Variants in RASAL2 observed in about 807,000 individuals in gnomAD.
The protein encoded by RASAL2 is ras GTPase-activating protein nGAP.
Under a neutral mutation model 128.9 loss-of-function variants are expected in RASAL2, and 58 were observed. The ratio of observed to expected loss-of-function variants is 0.45; its 90% CI spans 0.36 to 0.56. The LOEUF (loss-of-function observed/expected upper bound fraction) is 0.56. Ranked by LOEUF, RASAL2 falls within the 20% of genes least tolerant of loss-of-function variation. The pLI is 0.00. For missense variants in RASAL2, 1,360 were observed against 1,601.6 expected (o/e 0.85, Z 2.57); for synonymous variants, 561 against 580.8 (o/e 0.97, Z 0.49).
intron 3 of RASAL2, among the ~76,000 whole-genome samples, chr1:178,335,218 T>C (rs1321401997): frequency 2.0e-5 from 3 of 152,018 alleles, no homozygotes; most frequent in East Asian, 1.9e-4. Flanking sequence ...GACCATAATT[T>C]TCAAAGGTTT....
At chr1:178,245,467 G>T (rs920540688) in intron 1 of RASAL2, among the ~76,000 whole-genome samples, 10 of 151,990 alleles carry the variant, frequency 6.6e-5, no homozygotes, top group African/African-American at 2.4e-4. Context: ...TAGATTCTGG[G>T]TATCAGTTCT....
At chr1:178,324,162 C>T (rs1037604921) in intron 3 of RASAL2, among the ~76,000 whole-genome samples, 1 of 152,100 alleles carries the variant, frequency 6.6e-6, no homozygotes. Flanking sequence ...TTGATTTGAG[C>T]CAAACTTCAG....
intron 3 of RASAL2, among the ~76,000 whole-genome samples, chr1:178,326,193 A>G (rs1487825424): frequency 3.3e-5 from 5 of 152,186 alleles, no homozygotes; most frequent in Non-Finnish European, 7.4e-5. Flanking sequence ...ATTTTGCAGA[A>G]TCTCATGTAC....
intron 1 of RASAL2, among the ~76,000 whole-genome samples, chr1:178,201,641 A>C (rs1662875631): frequency 6.6e-6 from 1 of 152,212 alleles, no homozygotes; most frequent in Admixed American, 6.5e-5. Context: ...CAACTGTCAA[A>C]AGCAAGGTAA....
At chr1:178,336,078 C>G (rs909180015) in intron 3 of RASAL2, among the ~76,000 whole-genome samples, 2 of 152,068 alleles carry the variant, frequency 1.3e-5, no homozygotes, top group African/African-American at 4.8e-5. Context: ...CTTGTGTCTC[C>G]ATTTCCTCAT....
chr1:178,306,068 A>G (rs1423926762), intron 3 of RASAL2, among the ~76,000 whole-genome samples: 1 of 152,218 alleles, frequency 6.6e-6, no homozygotes, highest in Non-Finnish European at 1.5e-5. Context: ...GTTACCAAGG[A>G]TACTAAATTT....
intron 1 of RASAL2, among the ~76,000 whole-genome samples, chr1:178,129,516 TTA>T (rs762559808): frequency 6.6e-6 from 1 of 152,122 alleles, no homozygotes. Flanking sequence ...TAGGTGATTT[TTA>T]TATGTTTTCT....
chr1:178,238,537 C>A (rs1056890835), intron 1 of RASAL2, among the ~76,000 whole-genome samples: 1 of 151,968 alleles, frequency 6.6e-6, no homozygotes, highest in Non-Finnish European at 1.5e-5. Context: ...TGTAATGGTG[C>A]TGCTACTTTA....
rs1241141532 is a variant in RASAL2 at position 178,472,990 on chromosome 1, GAA to G, written c.3679-83_3679-82del. Reference sequence around the variant, plus strand: ...GCACCATGCATACAACTGTTTGAGAGAAAGCACTGGACTAGTCATTCAGTAAA... The same window carrying G: ...GCACCATGCATACAACTGTTTGAGAGAGCACTGGACTAGTCATTCAGTAAA... On this transcript the variant is annotated intron_variant, in intron 17 of 17. Coordinates refer to ENST00000367649, the MANE Select transcript of RASAL2 (RefSeq NM_170692.4). 14 of 1,476,116 alleles carry G rather than the reference GAA, an allele frequency of 9.5e-6. No homozygotes were observed. The African/African-American group carries it at 1.9e-4, about 21-fold the overall frequency. The allele number at this position is 1,476,116 out of a possible 1,614,324, so 91.4% of individuals were successfully genotyped here. A position where few individuals can be genotyped will look rare whatever the true frequency, so the allele number is the denominator to read the frequency against.
intron 1 of RASAL2, among the ~76,000 whole-genome samples, chr1:178,236,622 T>G (rs1295076894): frequency 6.6e-6 from 1 of 152,208 alleles, no homozygotes; most frequent in Non-Finnish European, 1.5e-5. Flanking sequence ...CAGAAAGGGT[T>G]TGCTTTAAGC....
At chr1:178,331,874 A>G (rs1383257209) in intron 3 of RASAL2, among the ~76,000 whole-genome samples, 1 of 152,042 alleles carries the variant, frequency 6.6e-6, no homozygotes, top group Non-Finnish European at 1.5e-5. Flanking sequence ...GGCATGAGCC[A>G]CCATGCCCAG....
chr1:178,281,776 G>C (rs1666794631), intron 1 of RASAL2, among the ~76,000 whole-genome samples: 1 of 152,032 alleles, frequency 6.6e-6, no homozygotes, highest in South Asian at 2.1e-4. Context: ...AGTCGTCTTG[G>C]TATTTGACTC....
In RASAL2 at chr1:178,125,295, TTTTAAG is replaced by T. The variant is rs1381838677; in HGVS notation, c.202+30605_202+30610del. 4.6e-5 allele frequency: 7 copies of T among 152,330 alleles called. No individual in the cohort carries two copies. In the East Asian group the frequency reaches 1.2e-3, roughly 25 times the overall value. The allele number at this position is 152,330 out of a possible 1,614,324, so 9.4% of individuals were successfully genotyped here. A position where few individuals can be genotyped will look rare whatever the true frequency, so the allele number is the denominator to read the frequency against. ...GCTGAGAATATATTTTACTACCTTATTTTAAGTTTCTTTCACTAAATTATTTCCTAG... is the reference window on the plus strand; with the variant it reads ...GCTGAGAATATATTTTACTACCTTATTTTCTTTCACTAAATTATTTCCTAG... On this transcript the variant is annotated intron_variant, in intron 1 of 17. Coordinates refer to ENST00000367649, the MANE Select transcript of RASAL2 (RefSeq NM_170692.4).
chr1:178,118,177 G>GAT lies in RASAL2; in HGVS notation c.202+23494_202+23495dup, dbSNP rs567181176. On this transcript the variant is annotated intron_variant, in intron 1 of 17. Transcript: ENST00000367649. ...AGACTCTGTTTAAAAAAAAAAAAAA[G>GAT]ATATATATATATTTCTTTTAACTTG... is the stretch of plus-strand genomic sequence containing the variant. 5.5e-3 allele frequency among the ~76,000 whole-genome samples: 821 copies of GAT among 150,238 alleles called. 11 individuals carry two copies. Among genetic ancestry groups the GAT allele is most frequent in the African/African-American group, 0.019 (761 of 40,922 alleles).
intron 1 of RASAL2, among the ~76,000 whole-genome samples, chr1:178,219,355 A>G (rs1323819602): frequency 6.6e-6 from 1 of 152,130 alleles, no homozygotes; most frequent in Non-Finnish European, 1.5e-5. Flanking sequence ...ATTTCCTTCA[A>G]GAACTTTTCA....
intron 1 of RASAL2, among the ~76,000 whole-genome samples, chr1:178,163,020 G>T (rs1427579342): frequency 6.6e-6 from 1 of 152,056 alleles, no homozygotes; most frequent in East Asian, 1.9e-4. Context: ...GCCCAGGCTG[G>T]AGTGCGGTGG....
At chr1:178,387,288 A>G (rs1672631991) in intron 3 of RASAL2, among the ~76,000 whole-genome samples, 1 of 152,138 alleles carries the variant, frequency 6.6e-6, no homozygotes, top group South Asian at 2.1e-4. Context: ...ATGATTTAAT[A>G]TCTTCTTTCT....
At chr1:178,303,448 C>G (rs935624996) in intron 3 of RASAL2, among the ~76,000 whole-genome samples, 2 of 151,404 alleles carry the variant, frequency 1.3e-5, no homozygotes, top group African/African-American at 4.9e-5. Flanking sequence ...ACACTAACGA[C>G]AGCTGATGAG....
chr1:178,307,739 G>A (rs912280684), intron 3 of RASAL2, among the ~76,000 whole-genome samples: 1 of 152,164 alleles, frequency 6.6e-6, no homozygotes, highest in African/African-American at 2.4e-5. Flanking sequence ...CTGCTTGGCT[G>A]GTGGATAGCA....
Sources: allele counts gnomAD v4.1 joint callset (sites outside exome capture counted in the v4.1 genomes callset), GRCh38; gene constraint gnomAD v4.1.1; transcripts MANE v1.5; gene names NCBI Gene and HGNC (gene_info 2026-07-23, HGNC 2026-07-21).